ST6GALNAC3: variants seen among roughly 807,000 people sequenced by gnomAD.
The protein encoded by ST6GALNAC3 is alpha-N-acetylgalactosaminide alpha-2,6-sialyltransferase 3.
A neutral mutation model predicts 32.7 loss-of-function variants in ST6GALNAC3; 25 were observed. The ratio of observed to expected loss-of-function variants is 0.76; its 90% CI spans 0.56 to 1.07. The LOEUF (loss-of-function observed/expected upper bound fraction) is 1.07. ST6GALNAC3 is among the 50% of genes least tolerant of loss of function. The pLI, the probability that ST6GALNAC3 is intolerant of heterozygous loss-of-function variation, is 0.00. For missense variants in ST6GALNAC3, 355 were observed against 382.4 expected (o/e 0.93, Z 0.60); for synonymous variants, 129 against 133.1 (o/e 0.97, Z 0.21).
chr1:76,083,471 G>A (rs756052918), intron 1 of ST6GALNAC3, among the ~76,000 whole-genome samples: 3 of 152,230 alleles, frequency 2.0e-5, no homozygotes, highest in Non-Finnish European at 4.4e-5. Context: ...TCTAGGGTGT[G>A]GGCAGTAAGA....
At chr1:76,473,972 C>T (rs1404235479) in intron 3 of ST6GALNAC3, among the ~76,000 whole-genome samples, 3 of 152,074 alleles carry the variant, frequency 2.0e-5, no homozygotes, top group African/African-American at 7.2e-5. Context: ...TTTCCCTGGC[C>T]TGCCAGAGAG....
intron 3 of ST6GALNAC3, among the ~76,000 whole-genome samples, chr1:76,536,195 C>T (rs1226911277): frequency 1.3e-5 from 2 of 152,142 alleles, no homozygotes; most frequent in South Asian, 2.1e-4. Context: ...TTACCAATAA[C>T]GACCTAGGAA....
At chr1:76,533,292 T>C (rs1373382838) in intron 3 of ST6GALNAC3, among the ~76,000 whole-genome samples, 2 of 151,554 alleles carry the variant, frequency 1.3e-5, no homozygotes, top group Non-Finnish European at 2.9e-5. Context: ...ACTGTCGTGG[T>C]CTTCTCAGGG....
chr1:76,444,169 G>T (rs1034465897), intron 3 of ST6GALNAC3, among the ~76,000 whole-genome samples: 1 of 152,198 alleles, frequency 6.6e-6, no homozygotes, highest in Admixed American at 6.5e-5. Flanking sequence ...ACTGATAGCC[G>T]CTGGCATGGC....
At chr1:76,556,515 T>C (rs1464478756) in intron 3 of ST6GALNAC3, among the ~76,000 whole-genome samples, 1 of 152,130 alleles carries the variant, frequency 6.6e-6, no homozygotes, top group Non-Finnish European at 1.5e-5. Context: ...TTATGAGGGT[T>C]CTGATTTCTC....
intron 3 of ST6GALNAC3, among the ~76,000 whole-genome samples, chr1:76,475,225 G>A (rs1055537845): frequency 1.3e-5 from 2 of 152,138 alleles, no homozygotes; most frequent in Admixed American, 6.6e-5. Flanking sequence ...GTTTAAAGAG[G>A]CTACAGTGTA....
At chr1:76,163,947 C>T (rs1179962669) in intron 1 of ST6GALNAC3, among the ~76,000 whole-genome samples, 1 of 152,166 alleles carries the variant, frequency 6.6e-6, no homozygotes, top group African/African-American at 2.4e-5. Context: ...GCCTCAATTC[C>T]TCCAGATGTA....
At chr1:76,415,875 A>G (rs1654585512) in intron 3 of ST6GALNAC3, among the ~76,000 whole-genome samples, 1 of 152,064 alleles carries the variant, frequency 6.6e-6, no homozygotes, top group Non-Finnish European at 1.5e-5. Context: ...GTTTAAAGAT[A>G]AAATCGTTAT....
chr1:76,152,771 C>T (rs1230812708), intron 1 of ST6GALNAC3, among the ~76,000 whole-genome samples: 1 of 151,952 alleles, frequency 6.6e-6, no homozygotes, highest in African/African-American at 2.4e-5. Context: ...CAGAGATTTC[C>T]CATCATGGGA....
chr1:76,213,810 A>T (rs952026659), intron 1 of ST6GALNAC3, among the ~76,000 whole-genome samples: 1 of 152,154 alleles, frequency 6.6e-6, no homozygotes, highest in Non-Finnish European at 1.5e-5. Flanking sequence ...GGCCACCATC[A>T]TCTGATTAAG....
chr1:76,606,728 TGAAAA>T (rs1647572402), intron 3 of ST6GALNAC3, among the ~76,000 whole-genome samples: 1 of 131,728 alleles, frequency 7.6e-6, no homozygotes, highest in African/African-American at 2.9e-5. Flanking sequence ...TAAAATAAAA[TGAAAA>T]GAGTGAAAAA....
chr1:76,079,135 C>T (rs2100715777), intron 1 of ST6GALNAC3, among the ~76,000 whole-genome samples: 2 of 152,200 alleles, frequency 1.3e-5, no homozygotes, highest in Middle Eastern at 6.8e-3. Flanking sequence ...GGCCCCAGAG[C>T]CCTTGTCAGA....
chr1:76,290,938 G>A (rs1570711103), intron 1 of ST6GALNAC3, among the ~76,000 whole-genome samples: 1 of 152,246 alleles, frequency 6.6e-6, no homozygotes, highest in East Asian at 1.9e-4. Flanking sequence ...GCGAGCTGTT[G>A]AGCCAAAGCA....
At chr1:76,378,254 A>G (rs540019036) in intron 2 of ST6GALNAC3, among the ~76,000 whole-genome samples, 1 of 152,220 alleles carries the variant, frequency 6.6e-6, no homozygotes, top group African/African-American at 2.4e-5. Context: ...CCTAGTAGTA[A>G]GAAATATCAT....
At chr1:76,396,828 C>T (rs1316019234) in intron 2 of ST6GALNAC3, among the ~76,000 whole-genome samples, 1 of 152,124 alleles carries the variant, frequency 6.6e-6, no homozygotes. Flanking sequence ...CCATTGTATT[C>T]AATATAGCAT....
chr1:76,114,169 CA>C (rs1190749995), intron 1 of ST6GALNAC3, among the ~76,000 whole-genome samples: 1 of 151,956 alleles, frequency 6.6e-6, no homozygotes, highest in Non-Finnish European at 1.5e-5. Flanking sequence ...TATCCTAAAA[CA>C]GCATGCATTA....
intron 3 of ST6GALNAC3, among the ~76,000 whole-genome samples, chr1:76,490,850 T>C (rs965441104): frequency 5.9e-5 from 8 of 135,816 alleles, no homozygotes; most frequent in African/African-American, 2.5e-4. Flanking sequence ...TTTTTTTTCT[T>C]TTTTTCTTTT....
Position 76,427,021 on chromosome 1 carries a change from T to C in ST6GALNAC3, c.623+14604T>C, listed in dbSNP as rs142748877. On this transcript the variant is annotated intron_variant, in intron 3 of 4. Transcript: ENST00000328299. ...CAAATAAGATTTTGTATTGGGTAAA[T>C]AAATGATTACTGTTTGGCTTTTTGG... Among the ~76,000 whole-genome samples the C allele has an allele frequency of 3.9e-5, 6 of 152,178 alleles. No homozygotes were observed. The East Asian group carries it at 1.2e-3, about 29-fold the overall frequency.
At position 76,294,741 on chromosome 1, in the gene ST6GALNAC3, G is replaced by A. The variant is rs929914107; in HGVS notation, c.19-19064G>A. On this transcript the variant is annotated intron_variant, in intron 1 of 4. Transcript: ENST00000328299. ...GAAGGTCAAGTTCAACCCACTTAAC[G>A]GAAGCAGAGTGATGGGTATGTGGTA... is the stretch of plus-strand genomic sequence containing the variant. Among the ~76,000 whole-genome samples the A allele has an allele frequency of 3.3e-5, 5 of 151,976 alleles. No individual in the cohort carries two copies. The East Asian group carries it at 5.8e-4, about 18-fold the overall frequency.
Sources: gnomAD v4.1 joint callset for allele counts (sites outside exome capture counted in the v4.1 genomes callset) on GRCh38, gnomAD v4.1.1 for gene constraint, MANE v1.5 for transcripts, NCBI Gene and HGNC (gene_info 2026-07-23, HGNC 2026-07-21) for gene names.